Variants in COPG1 observed in about 807,000 individuals in gnomAD.
COPG1 encodes coat protein complex I subunit gamma 1, also known as coatomer subunit gamma-1.
Under a neutral mutation model 102.8 loss-of-function variants are expected in COPG1, and 29 were observed. The observed-to-expected ratio is 0.28, with a 90% CI of 0.21 to 0.38. The LOEUF is 0.38. Ranked by LOEUF, COPG1 falls within the 10% of genes least tolerant of loss-of-function variation. COPG1 has a pLI of 1.00. For missense variants in COPG1, 875 were observed against 1,132.7 expected (o/e 0.77, Z 3.27); for synonymous variants, 406 against 421.6 (o/e 0.96, Z 0.45).
At position 129,260,681 on chromosome 3, in the gene COPG1, A is replaced by C; in HGVS notation, c.1002A>C (p.Thr334=). 1 of 1,614,144 alleles carries C rather than the reference A, an allele frequency of 6.2e-7. No homozygotes were observed. The highest frequency in any genetic ancestry group is 8.5e-7 in the Non-Finnish European group (1 of 1,180,040). ...ACNLDLENLV[T]DSNRSIATLA... The stretch of plus-strand genomic sequence containing the variant: ...ATCTGGATCTGGAGAACCTGGTCAC[A>C]GATTCAAACCGCAGCATTGCCACGC... Residue 334 remains threonine, a synonymous_variant, in exon 12 of 24, where the codon ACA becomes ACC. Coordinates refer to ENST00000314797, the MANE Select transcript of COPG1 (RefSeq NM_016128.4).
intron 12 of COPG1, among the ~76,000 whole-genome samples, chr3:129,262,499 C>T (rs976424321): frequency 5.9e-5 from 9 of 152,088 alleles, no homozygotes; most frequent in African/African-American, 7.2e-5. Flanking sequence ...ATGATCAACC[C>T]GCCTTGGCCT....
intron 12 of COPG1, among the ~76,000 whole-genome samples, chr3:129,263,132 G>C (rs1939974189): frequency 6.6e-6 from 1 of 152,142 alleles, no homozygotes; most frequent in South Asian, 2.1e-4. Flanking sequence ...GGGAGTAGGA[G>C]AGGTGGGACA....
chr3:129,259,906 T>G (rs1939890997), intron 10 of COPG1, among the ~76,000 whole-genome samples: 1 of 152,214 alleles, frequency 6.6e-6, no homozygotes, highest in Non-Finnish European at 1.5e-5. Context: ...TCACAGAGGT[T>G]AAGGGCTTAG....
At chr3:129,274,795 A>G (rs751920488) in intron 21 of COPG1, 43 bp from the exon 22 acceptor site, 3 of 1,609,866 alleles carry the variant, frequency 1.9e-6, no homozygotes, top group East Asian at 4.5e-5. Context: ...AGAGGCCCGT[A>G]GGTGTGTAGA....
In COPG1 at chr3:129,271,898, A is replaced by T. The variant is rs552879473; in HGVS notation, c.1975A>T (p.Met659Leu). The change falls in exon 19 of 24, where the codon ATG (methionine) becomes TTG (leucine). Residue 659 changes from methionine (M) to leucine (L), a missense_variant. Transcript: ENST00000314797. The surrounding 1 kb of genome is among the most constrained non-coding windows in gnomAD (Gnocchi z 4.7). ...RCTKHTFTNH[M>L]VFQFDCTNTL... ...CACCAAACACACCTTCACCAACCAC[A>T]TGGTTTTTCAGGTGAGCAAGGTGGG... The T allele has an allele frequency of 6.2e-7, 1 of 1,613,988 alleles. No homozygotes were observed. Among genetic ancestry groups the T allele is most frequent in the Non-Finnish European group, 8.5e-7 (1 of 1,179,982 alleles).
At chr3:129,270,933 G>A (rs943544987) in intron 18 of COPG1, among the ~76,000 whole-genome samples, 20 of 151,950 alleles carry the variant, frequency 1.3e-4, no homozygotes, top group African/African-American at 4.8e-4. Flanking sequence ...CCTGAAACCA[G>A]AGATTCTGAT....
chr3:129,269,124 C>A, intron 18 of COPG1, 124 bp downstream of exon 18: 1 of 797,148 alleles, frequency 1.3e-6, no homozygotes. Flanking sequence ...TTTAGACCTA[C>A]TATCACATTT....
rs767489196 is a variant in COPG1, at chr3:129,268,476, G to A, written c.1649-19G>A. The A allele has an allele frequency of 3.7e-6, 6 of 1,612,574 alleles. No individual in the cohort carries two copies. Among genetic ancestry groups the A allele is most frequent in the Non-Finnish European group, 5.1e-6 (6 of 1,179,462 alleles). On this transcript the variant is annotated intron_variant, in intron 16 of 23. Transcript: ENST00000314797. ...TTTTGCTCTATCTGCCAGGCATGGT[G>A]ACCTCTCTTCACCTCCAGGTCTGAC...
intron 12 of COPG1, 85 bp downstream of exon 12, chr3:129,260,892 A>T: frequency 7.0e-7 from 1 of 1,428,700 alleles, no homozygotes; most frequent in Non-Finnish European, 9.7e-7. Flanking sequence ...TCCTGCCAGG[A>T]CTGACCTGAG....
At chr3:129,259,174 A>G (rs1939872292) in intron 10 of COPG1, among the ~76,000 whole-genome samples, 1 of 152,146 alleles carries the variant, frequency 6.6e-6, no homozygotes, top group African/African-American at 2.4e-5. Flanking sequence ...ATGAAGAAAG[A>G]ATGAACTGCT....
intron 15 of COPG1, chr3:129,267,360 G>A (rs1478563819): frequency 1.3e-5 from 4 of 310,722 alleles, no homozygotes; most frequent in African/African-American, 6.7e-5. Context: ...AGTGGCTCCC[G>A]CCTGTAATCC....
intron 6 of COPG1, 100 bp from the exon 7 acceptor site, chr3:129,254,885 T>A: frequency 8.3e-7 from 1 of 1,205,506 alleles, no homozygotes; most frequent in South Asian, 1.3e-5. Context: ...TGAGAAACGC[T>A]TACTTCCTCC....
intron 10 of COPG1, among the ~76,000 whole-genome samples, chr3:129,258,283 C>A (rs986213670): frequency 1.3e-5 from 2 of 152,206 alleles, no homozygotes; most frequent in Admixed American, 1.3e-4. Context: ...CCTGGCTCTG[C>A]CCCTTACCAA....
At chr3:129,257,661 G>T in intron 9 of COPG1, 34 bp downstream of exon 9, 1 of 1,614,080 alleles carries the variant, frequency 6.2e-7, no homozygotes, top group South Asian at 1.1e-5. Context: ...GCTAGATGAT[G>T]CCTCACTCAT....
intron 10 of COPG1, among the ~76,000 whole-genome samples, chr3:129,259,474 AAAAAAAG>A (rs1374453796): frequency 6.6e-6 from 1 of 150,988 alleles, no homozygotes; most frequent in African/African-American, 2.5e-5. Flanking sequence ...AAAAAAAAAA[AAAAAAAG>A]AAATGGAAAA....
intron 3 of COPG1, 96 bp from the exon 4 acceptor site, chr3:129,252,527 C>T: frequency 1.1e-5 from 13 of 1,150,172 alleles, no homozygotes; most frequent in Non-Finnish European, 1.7e-5. Flanking sequence ...GCCCTTGAGC[C>T]TCTTTAGGGT....
chr3:129,252,595 G>A (rs759319201), intron 3 of COPG1, 28 bp from the exon 4 acceptor site: 7 of 1,599,240 alleles, frequency 4.4e-6, no homozygotes, highest in Non-Finnish European at 6.0e-6. Context: ...TCTGTCCCAA[G>A]CTGAGACTTC....
Position 129,277,157 on chromosome 3 carries a change from C to T in COPG1, c.2495-137C>T, listed in dbSNP as rs1576972557. On this transcript the variant is annotated intron_variant, in intron 23 of 23. Transcript: ENST00000314797. Reference sequence around the variant, plus strand: ...GACTTTCACAGTGAAATCCCTCACTCAGGGATTTCAGCCCAGCTCTCCTGC... The same window carrying T: ...GACTTTCACAGTGAAATCCCTCACTTAGGGATTTCAGCCCAGCTCTCCTGC... 7 of 830,828 alleles carry T rather than the reference C, an allele frequency of 8.4e-6. No individual in the cohort carries two copies. In the East Asian group the frequency reaches 1.8e-4, roughly 21 times the overall value. 51.5% of individuals were successfully genotyped at this position (830,828 alleles called of 1,614,324 possible). A position where few individuals can be genotyped will look rare whatever the true frequency, so the allele number is the denominator to read the frequency against.
chr3:129,254,665 C>A lies in COPG1; in HGVS notation c.324-3C>A, dbSNP rs765539221. On this transcript the variant is annotated splice_region_variant and splice_polypyrimidine_tract_variant and intron_variant, in intron 5 of 23. Coordinates refer to ENST00000314797, the MANE Select transcript of COPG1 (RefSeq NM_016128.4). ...CATGCTGACAATGCCTTCTTCCCTG[C>A]AGCCTAACAAAAGACATGACTGGGA... 8 of 1,613,282 alleles carry A rather than the reference C, an allele frequency of 5.0e-6. No homozygotes were observed. In the Admixed American group the frequency reaches 1.3e-4, roughly 27 times the overall value.
Sources: allele counts gnomAD v4.1 joint callset (sites outside exome capture counted in the v4.1 genomes callset), GRCh38; gene constraint gnomAD v4.1.1; non-coding constraint Gnocchi (gnomAD v3.1); transcripts MANE v1.5; gene names NCBI Gene and HGNC (gene_info 2026-07-23, HGNC 2026-07-21).